CBLB: variants seen among roughly 807,000 people sequenced by gnomAD.
The protein encoded by CBLB is E3 ubiquitin-protein ligase CBL-B.
In CBLB, 31 loss-of-function variants were observed where a neutral mutation model predicts 104.9. The ratio of observed to expected loss-of-function variants is 0.30; its 90% CI spans 0.22 to 0.40. The LOEUF is 0.40. CBLB is among the 10% of genes least tolerant of loss of function. CBLB has a pLI of 1.00. For missense variants in CBLB, 1,062 were observed against 1,214.6 expected (o/e 0.87, Z 1.87); for synonymous variants, 440 against 422.6 (o/e 1.04, Z -0.51).
chr3:105,861,010 A>G (rs1226646519), intron 2 of CBLB, among the ~76,000 whole-genome samples: 1 of 152,172 alleles, frequency 6.6e-6, no homozygotes, highest in Non-Finnish European at 1.5e-5. Context: ...TTGATACTGT[A>G]AGATAATATA....
Position 105,853,396 on chromosome 3 carries a change from C to G in CBLB, c.419+18G>C, listed in dbSNP as rs1490919057. The G allele has an allele frequency of 6.2e-7, 1 of 1,612,854 alleles. No homozygotes were observed. The highest frequency in any genetic ancestry group is 8.5e-7 in the Non-Finnish European group (1 of 1,179,336). On this transcript the variant is annotated intron_variant, in intron 3 of 18. Transcript: ENST00000394030. ...ATAAATGACCTTTACACCAAAACATCTGAAATATTCTTCTTACCTGTCCTG... is the reference window on the plus strand; with the variant it reads ...ATAAATGACCTTTACACCAAAACATGTGAAATATTCTTCTTACCTGTCCTG...
chr3:105,802,208 T>C (rs1560306763), intron 3 of CBLB, among the ~76,000 whole-genome samples: 1 of 152,200 alleles, frequency 6.6e-6, no homozygotes, highest in South Asian at 2.1e-4. Context: ...CCTAGCCTCT[T>C]TCCTTACTGT....
chr3:105,822,635 A>G (rs1303916721), intron 3 of CBLB, among the ~76,000 whole-genome samples: 2 of 152,204 alleles, frequency 1.3e-5, no homozygotes, highest in Non-Finnish European at 1.5e-5. Flanking sequence ...TCTGCCTCCC[A>G]TTTAAATGGT....
rs567817622 is a variant in CBLB at position 105,685,295 on chromosome 3, G to T, written c.2201+25C>A. ...TGATAATGCTTATGCAGATGTAAGT[G>T]GCAAAAATCTGCCCATACTCTTACC... On this transcript the variant is annotated intron_variant, in intron 14 of 18. Coordinates refer to ENST00000394030, the MANE Select transcript of CBLB (RefSeq NM_170662.5). 77 of 1,601,076 alleles carry T rather than the reference G, an allele frequency of 4.8e-5. 1 individual carries two copies. In the East Asian group the frequency reaches 1.7e-3, roughly 35 times the overall value.
In CBLB at chr3:105,733,950, G is replaced by A; in HGVS notation, c.1203+59C>T. The A allele has an allele frequency of 3.3e-6, 5 of 1,530,416 alleles. No homozygotes were observed. In the South Asian group the frequency reaches 5.6e-5, roughly 17 times the overall value. The allele number at this position is 1,530,416 out of a possible 1,614,324, so 94.8% of individuals were successfully genotyped here. On this transcript the variant is annotated intron_variant, in intron 9 of 18. Coordinates refer to ENST00000394030, the MANE Select transcript of CBLB (RefSeq NM_170662.5). Reference sequence around the variant, plus strand: ...TACTTCCTAAACCATTAAGAAAACTGAAAAGAGAAATATTAGTAGGACATA... The same window carrying A: ...TACTTCCTAAACCATTAAGAAAACTAAAAAGAGAAATATTAGTAGGACATA...
At chr3:105,823,292 G>A (rs1170958899) in intron 3 of CBLB, among the ~76,000 whole-genome samples, 1 of 152,100 alleles carries the variant, frequency 6.6e-6, no homozygotes, top group Non-Finnish European at 1.5e-5. Flanking sequence ...TGAAACAGAA[G>A]GCTCCCTGGC....
intron 18 of CBLB, among the ~76,000 whole-genome samples, chr3:105,660,725 T>C (rs1284260810): frequency 6.6e-6 from 1 of 152,162 alleles, no homozygotes; most frequent in African/African-American, 2.4e-5. Flanking sequence ...TCCCAATGGC[T>C]TCAGGAGATA....
chr3:105,745,884 A>T, intron 6 of CBLB, 33 bp downstream of exon 6: 1 of 1,592,516 alleles, frequency 6.3e-7, no homozygotes, highest in Non-Finnish European at 8.6e-7. Context: ...ATCTTTGGAT[A>T]TATCACATAA....
At chr3:105,756,074 T>C (rs2077055101) in intron 4 of CBLB, among the ~76,000 whole-genome samples, 2 of 152,214 alleles carry the variant, frequency 1.3e-5, no homozygotes, top group South Asian at 4.1e-4. Flanking sequence ...ATTTTCTGTA[T>C]TTGTTCATGG....
intron 9 of CBLB, among the ~76,000 whole-genome samples, chr3:105,727,209 C>T (rs1372764480): frequency 1.3e-5 from 2 of 152,222 alleles, no homozygotes; most frequent in South Asian, 2.1e-4. Flanking sequence ...TCCTCTCCAG[C>T]ATCTGTTGTT....
intron 4 of CBLB, among the ~76,000 whole-genome samples, chr3:105,766,563 C>A (rs2078248752): frequency 6.6e-6 from 1 of 152,202 alleles, no homozygotes; most frequent in South Asian, 2.1e-4. Flanking sequence ...AACATCGAGG[C>A]ACAACTCTCC....
chr3:105,706,963 A>G (rs2070243108), intron 10 of CBLB, among the ~76,000 whole-genome samples: 6 of 152,222 alleles, frequency 3.9e-5, no homozygotes, highest in Admixed American at 3.9e-4. Context: ...GAATTGTGAT[A>G]GAGCTAACAG....
At chr3:105,838,098 TCTGAGACACG>T (rs2088866179) in intron 3 of CBLB, among the ~76,000 whole-genome samples, 2 of 93,918 alleles carry the variant, frequency 2.1e-5, no homozygotes, top group African/African-American at 7.7e-5. Context: ...TTTTTTTTTT[TCTGAGACACG>T]TTCTCACTCT....
chr3:105,802,494 C>G (rs1461159784), intron 3 of CBLB, among the ~76,000 whole-genome samples: 3 of 152,224 alleles, frequency 2.0e-5, no homozygotes, highest in Non-Finnish European at 4.4e-5. Context: ...TGCCAAAGAT[C>G]AGACTGGAAG....
At chr3:105,666,323 T>C (rs2064454279) in intron 18 of CBLB, among the ~76,000 whole-genome samples, 1 of 152,200 alleles carries the variant, frequency 6.6e-6, no homozygotes, top group Non-Finnish European at 1.5e-5. Context: ...AACTTTGTTA[T>C]TCTACTAGAA....
chr3:105,746,539 C>G (rs1055117295), intron 5 of CBLB, among the ~76,000 whole-genome samples: 3 of 152,162 alleles, frequency 2.0e-5, no homozygotes, highest in African/African-American at 7.2e-5. Flanking sequence ...CCCTCTTCCC[C>G]CTCAGAGACT....
At chr3:105,828,667 A>T (rs911566513) in intron 3 of CBLB, among the ~76,000 whole-genome samples, 1 of 152,166 alleles carries the variant, frequency 6.6e-6, no homozygotes, top group Non-Finnish European at 1.5e-5. Context: ...AAATAATTTC[A>T]CTCTTGACCC....
chr3:105,821,739 G>A (rs750204235), intron 3 of CBLB, among the ~76,000 whole-genome samples: 1 of 152,186 alleles, frequency 6.6e-6, no homozygotes, highest in Non-Finnish European at 1.5e-5. Flanking sequence ...TTTGCTCACT[G>A]ATTTGTCCTT....
intron 18 of CBLB, among the ~76,000 whole-genome samples, chr3:105,662,240 T>C (rs1319962570): frequency 5.9e-5 from 9 of 152,128 alleles, no homozygotes; most frequent in African/African-American, 2.2e-4. Flanking sequence ...TAAAAGTGGA[T>C]TACACCAGGT....
Sources: allele counts gnomAD v4.1 joint callset (sites outside exome capture counted in the v4.1 genomes callset), GRCh38; gene constraint gnomAD v4.1.1; transcripts MANE v1.5; gene names NCBI Gene and HGNC (gene_info 2026-07-23, HGNC 2026-07-21).